The following PRKCB variants were observed in gnomAD, a reference collection of about 807,000 sequenced individuals.
PRKCB encodes the protein protein kinase C beta type.
In PRKCB, 13 loss-of-function variants were observed where a neutral mutation model predicts 81.5. The ratio of observed to expected loss-of-function variants is 0.16; its 90% CI spans 0.10 to 0.25. PRKCB has a LOEUF of 0.25. PRKCB is among the 10% of genes least tolerant of loss of function. The probability of loss-of-function intolerance (pLI) is 1.00; values close to 1 mark genes in which losing one functional copy is unlikely to be tolerated. For synonymous variants in PRKCB, 335 were observed against 321.4 expected (o/e 1.04, Z -0.45); for missense variants, 509 against 875.7 (o/e 0.58, Z 5.29).
At chr16:24,000,861 A>T (rs1027097333) in intron 3 of PRKCB, among the ~76,000 whole-genome samples, 1 of 152,204 alleles carries the variant, frequency 6.6e-6, no homozygotes, top group Non-Finnish European at 1.5e-5. Context: ...GGAGCCAGAA[A>T]ATGCTGGTGT....
At position 24,220,247 on chromosome 16, in the gene PRKCB, T is replaced by C; in HGVS notation, c.*5431T>C. The C allele has an allele frequency of 9.3e-7, 1 of 1,069,770 alleles. No individual in the cohort carries two copies. The highest frequency in any genetic ancestry group is 1.3e-6 in the Non-Finnish European group (1 of 747,598). 66.3% of individuals were successfully genotyped at this position (1,069,770 alleles called of 1,614,324 possible). A position where few individuals can be genotyped will look rare whatever the true frequency, so the allele number is the denominator to read the frequency against. On this transcript the variant is annotated 3_prime_UTR_variant, in exon 17 of 17. Transcript: ENST00000643927. The stretch of plus-strand genomic sequence containing the variant: ...TGGAAAGCTTGTCTTAGAGGGCTTT[T>C]CTTTGTATGTGTAGCTTGCTAGTTT...
At position 24,142,411 on chromosome 16, in the gene PRKCB, C is replaced by T. The variant is rs144148998; in HGVS notation, c.1066-12273C>T. 1.8e-4 allele frequency among the ~76,000 whole-genome samples: 28 copies of T among 152,286 alleles called. No individual in the cohort carries two copies. The East Asian group carries it at 5.2e-3, about 28-fold the overall frequency. Reference sequence around the variant, plus strand: ...GCTGCACCCAGGTTTCTCTCGAAATCCTGCTCCTGAGTGGGTGAGTGCCCC... The same window carrying T: ...GCTGCACCCAGGTTTCTCTCGAAATTCTGCTCCTGAGTGGGTGAGTGCCCC... On this transcript the variant is annotated intron_variant, in intron 9 of 16. Coordinates refer to ENST00000643927, the MANE Select transcript of PRKCB (RefSeq NM_002738.7).
chr16:24,094,050 G>A, intron 6 of PRKCB, 113 bp from the exon 7 acceptor site: 1 of 1,203,290 alleles, frequency 8.3e-7, no homozygotes, highest in East Asian at 2.5e-5. Flanking sequence ...GTTTCTTTCA[G>A]CAGCTTGTAA....
chr16:24,170,334 A>AAAAAG (rs1207590284), intron 10 of PRKCB, among the ~76,000 whole-genome samples: 2 of 152,162 alleles, frequency 1.3e-5, no homozygotes, highest in South Asian at 2.1e-4. Flanking sequence ...CAGAGATTAA[A>AAAAAG]AAAAGAAAAG....
intron 9 of PRKCB, among the ~76,000 whole-genome samples, chr16:24,134,648 C>T (rs978001856): frequency 2.0e-5 from 3 of 152,046 alleles, no homozygotes; most frequent in African/African-American, 7.3e-5. Context: ...ACTCAAGAGG[C>T]TGAGGCAGGA....
chr16:24,205,788 G>A (rs1247027771), intron 16 of PRKCB, among the ~76,000 whole-genome samples: 1 of 152,180 alleles, frequency 6.6e-6, no homozygotes, highest in Non-Finnish European at 1.5e-5. Context: ...CAGTCTAGAT[G>A]AGAACATAGA....
intron 2 of PRKCB, among the ~76,000 whole-genome samples, chr16:23,883,301 G>T (rs530645921): frequency 6.6e-6 from 1 of 152,164 alleles, no homozygotes; most frequent in African/African-American, 2.4e-5. Context: ...ACTACAAGGT[G>T]GGGAGGAGCT....
chr16:23,980,162 G>A (rs748378085), intron 2 of PRKCB, among the ~76,000 whole-genome samples: 5 of 152,216 alleles, frequency 3.3e-5, no homozygotes, highest in Non-Finnish European at 7.3e-5. Context: ...GGATATGAAA[G>A]CCCTTTGCAA....
intron 5 of PRKCB, among the ~76,000 whole-genome samples, chr16:24,083,881 G>A (rs1034118422): frequency 5.9e-5 from 9 of 152,068 alleles, no homozygotes; most frequent in Non-Finnish European, 1.2e-4. Flanking sequence ...CAGAAAATAA[G>A]CTGATAAAAG....
At chr16:23,844,520 T>C (rs1362888571) in intron 2 of PRKCB, among the ~76,000 whole-genome samples, 1 of 152,216 alleles carries the variant, frequency 6.6e-6, no homozygotes, top group Non-Finnish European at 1.5e-5. Flanking sequence ...AAAGTTCTTT[T>C]TTTTGAGACG....
chr16:24,074,452 G>A (rs1202673690), intron 5 of PRKCB, among the ~76,000 whole-genome samples: 2 of 152,216 alleles, frequency 1.3e-5, no homozygotes, highest in Non-Finnish European at 2.9e-5. Flanking sequence ...TAAGGTTCTT[G>A]TAAGGATTCA....
In PRKCB at chr16:24,097,029, G is replaced by A. The variant is rs565807569; in HGVS notation, c.821+2732G>A. On this transcript the variant is annotated intron_variant, in intron 7 of 16. Transcript: ENST00000643927. Reference sequence around the variant, plus strand: ...TGTCTTGGCTCCATGTTTCATCTTAGGCCTTTTTTTTTTTTTTTTTTTTTT... The same window carrying A: ...TGTCTTGGCTCCATGTTTCATCTTAAGCCTTTTTTTTTTTTTTTTTTTTTT... Among the ~76,000 whole-genome samples, 4 of 135,830 alleles carry A rather than the reference G, an allele frequency of 2.9e-5. No individual in the cohort carries two copies. The South Asian group carries it at 9.1e-4, about 31-fold the overall frequency. The allele number at this position is 135,830 out of a possible 152,430, so 89.1% of individuals were successfully genotyped here. A position where few individuals can be genotyped will look rare whatever the true frequency, so the allele number is the denominator to read the frequency against.
chr16:23,961,844 G>A (rs1228395509), intron 2 of PRKCB, among the ~76,000 whole-genome samples: 1 of 152,128 alleles, frequency 6.6e-6, no homozygotes, highest in Non-Finnish European at 1.5e-5. Context: ...GGGTTTTGGA[G>A]CATTTCACAT....
chr16:24,166,309 T>G (rs1264458900), intron 10 of PRKCB, among the ~76,000 whole-genome samples: 1 of 152,204 alleles, frequency 6.6e-6, no homozygotes. Flanking sequence ...TTTTAAAAAA[T>G]AAGTCAATTT....
At chr16:23,973,783 T>A (rs1022553698) in intron 2 of PRKCB, among the ~76,000 whole-genome samples, 2 of 152,146 alleles carry the variant, frequency 1.3e-5, no homozygotes, top group African/African-American at 2.4e-5. Context: ...TGGGCTCAAG[T>A]GATCCTCCCA....
chr16:23,990,652 A>C lies in PRKCB; in HGVS notation c.288+2062A>C, dbSNP rs916105601. 2.0e-5 allele frequency among the ~76,000 whole-genome samples: 3 copies of C among 150,670 alleles called. No individual in the cohort carries two copies. The East Asian group carries it at 5.8e-4, about 29-fold the overall frequency. On this transcript the variant is annotated intron_variant, in intron 3 of 16. Coordinates refer to ENST00000643927, the MANE Select transcript of PRKCB (RefSeq NM_002738.7). ...CAGCTTAACCTCCCTGGCTCTAGCA[A>C]CCCCCCCACCTCAGCCGCCCACGTA... is the stretch of plus-strand genomic sequence containing the variant.
chr16:24,026,340 C>G lies in PRKCB; in HGVS notation c.289-5796C>G, dbSNP rs143807410. 1.7e-3 allele frequency among the ~76,000 whole-genome samples: 260 copies of G among 152,308 alleles called. 2 individuals are homozygous for G. The highest frequency in any genetic ancestry group is 6.0e-3 in the African/African-American group (250 of 41,576). The stretch of plus-strand genomic sequence containing the variant: ...ACACACAAACACAGAAATGTGTTTC[C>G]TTTTCCCTTCCCATTCTTTGTGCTT... On this transcript the variant is annotated intron_variant, in intron 3 of 16. Transcript: ENST00000643927.
chr16:24,150,193 T>G (rs1372996064), intron 9 of PRKCB, among the ~76,000 whole-genome samples: 1 of 152,006 alleles, frequency 6.6e-6, no homozygotes, highest in African/African-American at 2.4e-5. Flanking sequence ...TAACCAGGTG[T>G]GGTGGTGGAC....
At chr16:24,040,091 T>G (rs1965680720) in intron 5 of PRKCB, among the ~76,000 whole-genome samples, 1 of 152,164 alleles carries the variant, frequency 6.6e-6, no homozygotes, top group Admixed American at 6.5e-5. Context: ...TCTCAGCATC[T>G]CTAGAGGTCA....
Sources: gnomAD v4.1 joint callset for allele counts (sites outside exome capture counted in the v4.1 genomes callset) on GRCh38, gnomAD v4.1.1 for gene constraint, MANE v1.5 for transcripts, NCBI Gene and HGNC (gene_info 2026-07-23, HGNC 2026-07-21) for gene names.